Variants in MAPK6 observed in about 807,000 individuals in gnomAD.
MAPK6 encodes ERK-3.
MAPK6 carries 19 observed loss-of-function variants against 59.3 expected under a neutral mutation model. The ratio of observed to expected loss-of-function variants is 0.32; its 90% CI spans 0.22 to 0.47. The LOEUF is 0.47. Ranked by LOEUF, MAPK6 falls within the 20% of genes least tolerant of loss-of-function variation. The pLI, the probability that MAPK6 is intolerant of heterozygous loss-of-function variation, is 1.00. For missense variants in MAPK6, 724 were observed against 847.9 expected (o/e 0.85, Z 1.81); for synonymous variants, 316 against 290.3 (o/e 1.09, Z -0.90).
rs2141139917 is a variant in MAPK6 at position 52,065,296 on chromosome 15, A to C, written c.*296A>C. The C allele has an allele frequency of 4.1e-6, 1 of 244,680 alleles. No individual in the cohort carries two copies. Among genetic ancestry groups the C allele is most frequent in the Non-Finnish European group, 7.8e-6 (1 of 128,166 alleles). The allele number at this position is 244,680 out of a possible 1,614,324, so 15.2% of individuals were successfully genotyped here. A position where few individuals can be genotyped will look rare whatever the true frequency, so the allele number is the denominator to read the frequency against. On this transcript the variant is annotated 3_prime_UTR_variant, in exon 6 of 6. Coordinates refer to ENST00000261845, the MANE Select transcript of MAPK6 (RefSeq NM_002748.4). ...CTCTCATAGAACATTGATCTGTTTT[A>C]CAGGAAACAAACCTTGCCTTGAAAT...
rs9989253 is a variant in MAPK6, at chr15:51,996,971, C to T, written c.-769-7294C>T. On this transcript the variant is annotated intron_variant, in intron 2 of 7. Coordinates refer to the MAPK6 transcript ENST00000691380. ...GTGCTGGGATTACAGGTGTGAATGA[C>T]CATGCCAGGAAATTTTTTTTTTTTT... 6.0e-3 allele frequency among the ~76,000 whole-genome samples: 908 copies of T among 151,662 alleles called. 12 individuals are homozygous for T. Among genetic ancestry groups the T allele is most frequent in the African/African-American group, 0.021 (873 of 41,334 alleles).
chr15:52,032,490 G>A (rs1241668454), intron 1 of MAPK6, among the ~76,000 whole-genome samples: 1 of 150,878 alleles, frequency 6.6e-6, no homozygotes, highest in Admixed American at 6.6e-5. Context: ...GTGCCTGGCC[G>A]TGGATAGATA....
chr15:52,054,745 C>CACACAT (rs1555399920), intron 3 of MAPK6, among the ~76,000 whole-genome samples: 2 of 141,806 alleles, frequency 1.4e-5, no homozygotes, highest in Non-Finnish European at 3.0e-5. Flanking sequence ...CACACACACA[C>CACACAT]ACACATATAC....
intron 5 of MAPK6, among the ~76,000 whole-genome samples, chr15:52,063,201 A>G (rs969926618): frequency 6.6e-6 from 1 of 152,044 alleles, no homozygotes; most frequent in Non-Finnish European, 1.5e-5. Flanking sequence ...ACTAGCTGGG[A>G]CTATAGGCAC....
At chr15:52,016,926 C>A (rs985557513), upstream of MAPK6, among the ~76,000 whole-genome samples, 2 of 152,168 alleles carry the variant, frequency 1.3e-5, no homozygotes, top group Non-Finnish European at 2.9e-5. Context: ...CACCTGTAGT[C>A]CCAGCTACTC....
At chr15:52,033,206 T>C (rs2031106815) in intron 1 of MAPK6, among the ~76,000 whole-genome samples, 1 of 152,200 alleles carries the variant, frequency 6.6e-6, no homozygotes, top group Admixed American at 6.5e-5. Context: ...AGTGTCAACT[T>C]GATTGGATTG....
Position 52,046,766 on chromosome 15 carries a change from C to T in MAPK6, c.306C>T (p.Asn102=), listed in dbSNP as rs765647261. 6.8e-6 allele frequency: 11 copies of T among 1,614,066 alleles called. 1 individual carries two copies. In the South Asian group the frequency reaches 9.9e-5, roughly 15 times the overall value. Residue 102 remains asparagine, a synonymous_variant, in exon 2 of 6, where the codon AAC becomes AAT. Coordinates refer to ENST00000261845, the MANE Select transcript of MAPK6 (RefSeq NM_002748.4). ...TDDVGSLTEL[N]SVYIVQEYME... is the part of the protein sequence containing the mutation. ...ATGTGGGCTCTCTTACGGAACTGAA[C>T]AGTGTTTACATTGTTCAGGAGTACA...
Position 52,064,549 on chromosome 15 carries a change from A to C in MAPK6, c.1715A>C (p.Gln572Pro). ...LKSLISKSVS[Q>P]EKQEKGMANL... ...AGTTTGATATCAAAGTCAGTAAGCC[A>C]AGAAAAACAGGAAAAAGGAATGGCA... The change falls in exon 6 of 6, where the codon CAA (glutamine) becomes CCA (proline). Residue 572 changes from glutamine to proline, a missense_variant. Physicochemically the swap from Gln to Pro is moderately conservative, Grantham distance 76 (BLOSUM62 -1). This residue lies in a region of MAPK6 where 502 missense variants were observed against 507.6 expected (regional missense o/e 0.99). Coordinates refer to ENST00000261845, the MANE Select transcript of MAPK6 (RefSeq NM_002748.4). 2 of 1,611,528 alleles carry C rather than the reference A, an allele frequency of 1.2e-6. No individual in the cohort carries two copies. The highest frequency in any genetic ancestry group is 1.7e-6 in the Non-Finnish European group (2 of 1,179,664).
In MAPK6 at chr15:52,004,851, C is replaced by T. The variant is rs180729305; in HGVS notation, c.-632+449C>T. ...CATTGGGGATTAAGTTGCCAACATA[C>T]GCTTTTTGGGGAACACGTTCAAACC... is the stretch of plus-strand genomic sequence containing the variant. On this transcript the variant is annotated intron_variant, in intron 3 of 7. Coordinates refer to the MAPK6 transcript ENST00000691380. 3.3e-3 allele frequency among the ~76,000 whole-genome samples: 503 copies of T among 152,284 alleles called. 11 individuals carry two copies. Among genetic ancestry groups the T allele is most frequent in the Middle Eastern group, 0.014 (4 of 294 alleles).
rs149473474 is a variant in MAPK6 at position 52,011,622 on chromosome 15, T to G, written c.-632+7220T>G. Among the ~76,000 whole-genome samples, 40 of 152,264 alleles carry G rather than the reference T, an allele frequency of 2.6e-4. 1 individual carries two copies. The highest frequency in any genetic ancestry group is 4.7e-4 in the Non-Finnish European group (32 of 68,002). On this transcript the variant is annotated intron_variant, in intron 3 of 7. Coordinates refer to the MAPK6 transcript ENST00000691380. ...ACAAGATTATATATTCACTGGCTGATGAGAATGTTGTGCCAGAGGTTTGCA... is the reference window on the plus strand; with the variant it reads ...ACAAGATTATATATTCACTGGCTGAGGAGAATGTTGTGCCAGAGGTTTGCA...
chr15:51,971,976 G>C (rs536085911), intron 1 of MAPK6, among the ~76,000 whole-genome samples: 1 of 151,970 alleles, frequency 6.6e-6, no homozygotes, highest in Non-Finnish European at 1.5e-5. Flanking sequence ...ACCAGGGGGC[G>C]GGGGGGTCCT....
chr15:52,055,676 C>T (rs567288345), intron 3 of MAPK6, among the ~76,000 whole-genome samples: 25 of 152,182 alleles, frequency 1.6e-4, no homozygotes, highest in African/African-American at 5.1e-4. Flanking sequence ...CCTCCATGCC[C>T]GGCTAATTTT....
At chr15:52,039,720 T>G (rs887685629) in intron 1 of MAPK6, among the ~76,000 whole-genome samples, 7 of 151,956 alleles carry the variant, frequency 4.6e-5, no homozygotes, top group African/African-American at 7.3e-5. Flanking sequence ...TTTTACCATG[T>G]TGGCCAGGCT....
At chr15:52,055,688 GA>G (rs2141110711) in intron 3 of MAPK6, among the ~76,000 whole-genome samples, 1 of 152,144 alleles carries the variant, frequency 6.6e-6, no homozygotes, top group African/African-American at 2.4e-5. Context: ...GCTAATTTTT[GA>G]AATTTTAGTA....
At chr15:52,007,182 T>C (rs1198981792) in intron 3 of MAPK6, among the ~76,000 whole-genome samples, 3 of 152,048 alleles carry the variant, frequency 2.0e-5, no homozygotes, top group Non-Finnish European at 4.4e-5. Flanking sequence ...CTCCCAAGTG[T>C]GGGCGGCTGG....
At chr15:52,032,837 A>G (rs1008663433) in intron 1 of MAPK6, among the ~76,000 whole-genome samples, 7 of 152,166 alleles carry the variant, frequency 4.6e-5, no homozygotes, top group African/African-American at 1.7e-4. Context: ...GGCATGCGCC[A>G]CCACACCCAG....
intron 1 of MAPK6, among the ~76,000 whole-genome samples, chr15:51,973,989 T>C (rs1259590612): frequency 1.3e-5 from 2 of 151,922 alleles, no homozygotes; most frequent in Non-Finnish European, 2.9e-5. Context: ...ATTGCTCTTC[T>C]ACTCATTATC....
At chr15:52,052,899 A>G (rs1038631946) in intron 3 of MAPK6, among the ~76,000 whole-genome samples, 26 of 152,158 alleles carry the variant, frequency 1.7e-4, no homozygotes, top group African/African-American at 5.6e-4. Context: ...TCTTGGGTAT[A>G]TATACCTAGG....
At position 51,988,568 on chromosome 15, in the gene MAPK6, C is replaced by A. The variant is rs532764072; in HGVS notation, c.-770+5253C>A. Reference sequence around the variant, plus strand: ...CCAACATTATGAAACCCTGTCTCTACTAAAAATACAAAAATTAGCCGGGTG... The same window carrying A: ...CCAACATTATGAAACCCTGTCTCTAATAAAAATACAAAAATTAGCCGGGTG... On this transcript the variant is annotated intron_variant, in intron 2 of 7. Coordinates refer to the MAPK6 transcript ENST00000691380. Among the ~76,000 whole-genome samples the A allele has an allele frequency of 7.2e-5, 11 of 152,012 alleles. No individual in the cohort carries two copies. In the East Asian group the frequency reaches 2.1e-3, roughly 29 times the overall value.
Sources: gnomAD v4.1 joint callset for allele counts (sites outside exome capture counted in the v4.1 genomes callset) on GRCh38, gnomAD v4.1.1 for gene constraint, gnomAD v4.1.1 regional missense constraint, MANE v1.5 for transcripts, NCBI Gene and HGNC (gene_info 2026-07-23, HGNC 2026-07-21) for gene names.